NREP: variants seen among roughly 807,000 people sequenced by gnomAD.
NREP encodes neuronal regeneration related protein, also known as neuronal regeneration-related protein.
A neutral mutation model predicts 8.6 loss-of-function variants in NREP; 5 were observed. That is an observed-to-expected ratio of 0.58 (90% CI 0.30 to 1.22). The LOEUF (loss-of-function observed/expected upper bound fraction) is 1.22, where lower values mean the gene tolerates loss of function less well. Among genes scored for constraint, NREP ranks in the 50% most tolerant of loss-of-function variants. NREP has a pLI of 0.07. For missense variants in NREP, 86 were observed against 82.5 expected, an observed-to-expected ratio of 1.04 and a Z score of -0.17; for synonymous variants, 27 against 28.0, an observed-to-expected ratio of 0.96 and a Z score of 0.11.
chr5:111,949,421 A>T (rs1223915697), intron 2 of NREP, among the ~76,000 whole-genome samples: 1 of 152,058 alleles, frequency 6.6e-6, no homozygotes, highest in Non-Finnish European at 1.5e-5. Context: ...CTTACACATA[A>T]TGAAATCCCA....
intron 2 of NREP, among the ~76,000 whole-genome samples, chr5:111,858,500 A>C (rs1753473804): frequency 6.6e-6 from 1 of 152,116 alleles, no homozygotes; most frequent in Non-Finnish European, 1.5e-5. Context: ...CTAGACAAAA[A>C]TATTTAGCAA....
chr5:111,823,263 A>C (rs146496108), intron 2 of NREP, among the ~76,000 whole-genome samples: 1 of 152,206 alleles, frequency 6.6e-6, no homozygotes, highest in Non-Finnish European at 1.5e-5. Context: ...ATACAACCCC[A>C]TGACCCAAAC....
At chr5:111,888,866 A>G (rs535047097) in intron 2 of NREP, among the ~76,000 whole-genome samples, 1 of 152,356 alleles carries the variant, frequency 6.6e-6, no homozygotes, top group East Asian at 1.9e-4. Context: ...AAATAAGAAC[A>G]TAGGAGTACA....
intron 2 of NREP, among the ~76,000 whole-genome samples, chr5:111,845,516 A>T (rs974266321): frequency 6.6e-6 from 1 of 152,208 alleles, no homozygotes; most frequent in Non-Finnish European, 1.5e-5. Flanking sequence ...AGACATTTCA[A>T]TTTGTACACA....
chr5:111,919,224 C>A (rs1755154711), intron 2 of NREP, among the ~76,000 whole-genome samples: 1 of 152,144 alleles, frequency 6.6e-6, no homozygotes, highest in Middle Eastern at 3.2e-3. Context: ...AGTCAGGAAA[C>A]AACAGATGCT....
At chr5:111,757,724 G>A (rs891940658), upstream of NREP, 682 of 984,522 alleles carry the variant, frequency 6.9e-4, 1 homozygote, top group Non-Finnish European at 8.0e-4. Context: ...TCTGCGCCCC[G>A]GCCCCGCCCC....
chr5:111,735,397 T>G, intron 3 of NREP, 33 bp downstream of exon 3: 1 of 1,378,222 alleles, frequency 7.3e-7, no homozygotes, highest in East Asian at 2.3e-5. Context: ...ATATTGAAAA[T>G]AGTGTTAACA....
chr5:111,835,292 CATTT>C (rs1370134535), intron 2 of NREP, among the ~76,000 whole-genome samples: 3 of 152,026 alleles, frequency 2.0e-5, no homozygotes, highest in Non-Finnish European at 2.9e-5. Context: ...TTTGTTCATT[CATTT>C]GTCTATTTGA....
intron 2 of NREP, among the ~76,000 whole-genome samples, chr5:111,933,791 T>C (rs751658613): frequency 1.2e-4 from 18 of 152,102 alleles, no homozygotes; most frequent in Non-Finnish European, 2.4e-4. Context: ...AAAGAAAGTC[T>C]ATACTGTAGA....
At chr5:111,825,061 A>G (rs1299333963) in intron 2 of NREP, among the ~76,000 whole-genome samples, 2 of 152,204 alleles carry the variant, frequency 1.3e-5, no homozygotes, top group Non-Finnish European at 2.9e-5. Flanking sequence ...GATGTATTAC[A>G]GCTAAAAAGT....
chr5:111,904,898 C>G (rs1428109764), intron 2 of NREP, among the ~76,000 whole-genome samples: 1 of 152,096 alleles, frequency 6.6e-6, no homozygotes, highest in African/African-American at 2.4e-5. Flanking sequence ...TCATTCAGCT[C>G]TCAAAGAGAA....
chr5:111,769,947 T>C (rs1751178760), intron 2 of NREP, among the ~76,000 whole-genome samples: 1 of 152,148 alleles, frequency 6.6e-6, no homozygotes, highest in Non-Finnish European at 1.5e-5. Context: ...CAGTGAGTAT[T>C]CCTATCAGAG....
chr5:111,736,877 C>G (rs1749170938), intron 2 of NREP, among the ~76,000 whole-genome samples: 2 of 152,134 alleles, frequency 1.3e-5, no homozygotes, highest in Admixed American at 1.3e-4. Flanking sequence ...GACTGAAACT[C>G]ACACTAGGTT....
chr5:111,765,799 A>AT (rs1296701276), intron 2 of NREP, among the ~76,000 whole-genome samples: 4 of 151,632 alleles, frequency 2.6e-5, no homozygotes, highest in South Asian at 2.1e-4. Flanking sequence ...CTCCTTCTTG[A>AT]TTTTTTTTGC....
intron 2 of NREP, among the ~76,000 whole-genome samples, chr5:111,770,658 C>A (rs938000843): frequency 3.3e-5 from 5 of 150,838 alleles, no homozygotes; most frequent in African/African-American, 1.2e-4. Flanking sequence ...ACAGCCTCCC[C>A]CTCCCAGGCT....
intron 2 of NREP, among the ~76,000 whole-genome samples, chr5:111,816,683 T>G (rs1051918690): frequency 2.7e-5 from 4 of 148,398 alleles, no homozygotes; most frequent in South Asian, 4.3e-4. Context: ...AATGGAATGA[T>G]AAAATGATAA....
intron 2 of NREP, among the ~76,000 whole-genome samples, chr5:111,841,719 T>C (rs1277904812): frequency 6.6e-6 from 1 of 152,152 alleles, no homozygotes; most frequent in African/African-American, 2.4e-5. Context: ...CTGTATTTTT[T>C]CTTAGTGGGA....
At chr5:111,956,182 G>T (rs1357055819) in intron 2 of NREP, among the ~76,000 whole-genome samples, 1 of 151,956 alleles carries the variant, frequency 6.6e-6, no homozygotes, top group Non-Finnish European at 1.5e-5. Context: ...CAGACACAAG[G>T]GAGCTCAGAG....
chr5:111,892,612 G>GA (rs1411922687), intron 2 of NREP, among the ~76,000 whole-genome samples: 10 of 149,072 alleles, frequency 6.7e-5, no homozygotes, highest in Admixed American at 2.0e-4. Context: ...TATATTTTTG[G>GA]AAAAAAAACC....
Sources: gnomAD v4.1 joint callset for allele counts (sites outside exome capture counted in the v4.1 genomes callset) on GRCh38, gnomAD v4.1.1 for gene constraint, MANE v1.5 for transcripts, NCBI Gene and HGNC (gene_info 2026-07-23, HGNC 2026-07-21) for gene names.